GLI2: variants seen among roughly 807,000 people sequenced by gnomAD.
The protein encoded by GLI2 is transcription activator GLI2.
In GLI2, 22 loss-of-function variants were observed where a neutral mutation model predicts 78.9. That is an observed-to-expected ratio of 0.28 (90% CI 0.20 to 0.40). GLI2 has a LOEUF of 0.40. Among genes scored for constraint, GLI2 ranks in the 10% least tolerant of loss-of-function variants. GLI2 has a pLI of 1.00. For synonymous variants in GLI2, 974 were observed against 963.7 expected, an observed-to-expected ratio of 1.01 and a Z score of -0.20; for missense variants, 2,097 against 2,213.2, an observed-to-expected ratio of 0.95 and a Z score of 1.05.
At chr2:120,745,608 C>T (rs1682671099) in intron 1 of GLI2, among the ~76,000 whole-genome samples, 1 of 152,154 alleles carries the variant, frequency 6.6e-6, no homozygotes, top group South Asian at 2.1e-4. Flanking sequence ...CTTCCACACC[C>T]GCAGCTGTGA....
chr2:120,813,423 A>G (rs571750427), intron 2 of GLI2, among the ~76,000 whole-genome samples: 1 of 152,294 alleles, frequency 6.6e-6, no homozygotes, highest in Admixed American at 6.5e-5. Context: ...TCATCCCAGA[A>G]TGGCCCAGCT....
At chr2:120,961,863 G>T (rs796236036) in intron 5 of GLI2, among the ~76,000 whole-genome samples, 8 of 152,306 alleles carry the variant, frequency 5.3e-5, no homozygotes, top group African/African-American at 1.9e-4. Context: ...CCTAATCCCT[G>T]TCTGAGGAGG....
At chr2:120,829,104 C>CCACT (rs1686230750) in intron 2 of GLI2, among the ~76,000 whole-genome samples, 1 of 151,960 alleles carries the variant, frequency 6.6e-6, no homozygotes, top group Admixed American at 6.6e-5. Flanking sequence ...GCACCTGCAC[C>CCACT]CATGCACGCA....
intron 2 of GLI2, 147 bp downstream of exon 2, chr2:120,797,615 C>A: frequency 1.3e-6 from 1 of 760,954 alleles, no homozygotes. Flanking sequence ...TCCCAGGAAT[C>A]CCAGGCACCA....
chr2:120,960,114 G>A (rs1397003676), intron 5 of GLI2, among the ~76,000 whole-genome samples: 1 of 152,198 alleles, frequency 6.6e-6, no homozygotes, highest in Non-Finnish European at 1.5e-5. Flanking sequence ...CTATTTACCA[G>A]GCTCGGTTCT....
chr2:120,918,438 CT>C (rs563960856), intron 2 of GLI2, among the ~76,000 whole-genome samples: 5,950 of 127,004 alleles, frequency 0.047, 102 homozygotes, highest in Middle Eastern at 0.068. Context: ...CATAAATATT[CT>C]TTTTTTTTTT....
At chr2:120,987,517 C>G (rs1683035790) in intron 13 of GLI2, among the ~76,000 whole-genome samples, 1 of 152,192 alleles carries the variant, frequency 6.6e-6, no homozygotes, top group Non-Finnish European at 1.5e-5. Flanking sequence ...CATTGGGGGT[C>G]CTGGGCTCCC....
At chr2:120,761,589 G>C (rs2104645618) in intron 1 of GLI2, among the ~76,000 whole-genome samples, 1 of 152,318 alleles carries the variant, frequency 6.6e-6, no homozygotes, top group Middle Eastern at 3.4e-3. Flanking sequence ...GCTAGGAGGA[G>C]TGTGGAGGCA....
chr2:120,803,962 A>C (rs901423942), intron 2 of GLI2, among the ~76,000 whole-genome samples: 1 of 152,188 alleles, frequency 6.6e-6, no homozygotes, highest in African/African-American at 2.4e-5. Flanking sequence ...GCTAGGGTCA[A>C]GCACTAGACG....
At chr2:120,829,208 C>T (rs976458672) in intron 2 of GLI2, among the ~76,000 whole-genome samples, 4 of 152,220 alleles carry the variant, frequency 2.6e-5, no homozygotes, top group African/African-American at 4.8e-5. Flanking sequence ...CGCATGCACA[C>T]GCCTGCACTC....
At chr2:120,808,574 G>A (rs538788397) in intron 2 of GLI2, among the ~76,000 whole-genome samples, 4 of 152,304 alleles carry the variant, frequency 2.6e-5, no homozygotes, top group African/African-American at 7.2e-5. Flanking sequence ...CGATGTCAGC[G>A]AGATCTTTGT....
intron 11 of GLI2, among the ~76,000 whole-genome samples, chr2:120,984,241 G>A (rs528226458): frequency 6.6e-6 from 1 of 152,124 alleles, no homozygotes; most frequent in African/African-American, 2.4e-5. Context: ...AGGACCCCCC[G>A]TGGCCGTGTG....
At chr2:120,752,238 C>T (rs149531133) in intron 1 of GLI2, among the ~76,000 whole-genome samples, 2 of 134,696 alleles carry the variant, frequency 1.5e-5, no homozygotes, top group South Asian at 5.2e-4. Flanking sequence ...TGTAGATCAT[C>T]TTCATTCACT....
chr2:120,762,275 G>A (rs534283551), intron 1 of GLI2, among the ~76,000 whole-genome samples: 17 of 152,302 alleles, frequency 1.1e-4, no homozygotes, highest in African/African-American at 3.6e-4. Flanking sequence ...TAGGGACTTT[G>A]CCTGTGTTTC....
chr2:120,929,745 AC>A (rs1679861606), intron 3 of GLI2, among the ~76,000 whole-genome samples: 1 of 152,138 alleles, frequency 6.6e-6, no homozygotes, highest in Non-Finnish European at 1.5e-5. Context: ...TTCTCACTTG[AC>A]TAGGATCCGC....
Position 120,951,296 on chromosome 2 carries a change from T to A in GLI2, c.308T>A (p.Leu103His), listed in dbSNP as rs748739602. Residue 103 changes from leucine to histidine, a missense_variant, in exon 4 of 14, where the codon CTT (leucine) becomes CAT (histidine). Leu to His is a moderately conservative substitution (Grantham distance 99). Transcript: ENST00000361492. ...ATCTCTGACATCTCCTTGATCCGGC[T>A]TTCCCCGCACCCGGCTGGCCCTGGG... ...PVISDISLIR[L>H]SPHPAGPGES... 4 of 1,612,444 alleles carry A rather than the reference T, an allele frequency of 2.5e-6. No individual in the cohort carries two copies. The highest frequency in any genetic ancestry group is 3.4e-6 in the Non-Finnish European group (4 of 1,178,652).
chr2:120,947,502 G>A (rs1573652767), intron 3 of GLI2, among the ~76,000 whole-genome samples: 1 of 152,230 alleles, frequency 6.6e-6, no homozygotes, highest in Admixed American at 6.5e-5. Flanking sequence ...ATCTCGGAAG[G>A]CTTCCTGGAG....
intron 2 of GLI2, among the ~76,000 whole-genome samples, chr2:120,903,197 C>T (rs1040504927): frequency 6.6e-6 from 1 of 152,046 alleles, no homozygotes; most frequent in Non-Finnish European, 1.5e-5. Flanking sequence ...CCAGCCTGGA[C>T]AACATGGTGA....
intron 2 of GLI2, among the ~76,000 whole-genome samples, chr2:120,882,557 C>G (rs148684563): frequency 6.6e-6 from 1 of 152,260 alleles, no homozygotes; most frequent in Non-Finnish European, 1.5e-5. Context: ...AACGCGAAGC[C>G]GACAAGCACT....
Sources: gnomAD v4.1 joint callset for allele counts (sites outside exome capture counted in the v4.1 genomes callset) on GRCh38, gnomAD v4.1.1 for gene constraint, MANE v1.5 for transcripts, NCBI Gene and HGNC (gene_info 2026-07-23, HGNC 2026-07-21) for gene names.